GALNT18: variants seen among roughly 807,000 people sequenced by gnomAD.
GALNT18 encodes the protein GalNAc-transferase 18.
GALNT18 carries 44 observed loss-of-function variants against 69.5 expected under a neutral mutation model. That is an observed-to-expected ratio of 0.63 (90% CI 0.50 to 0.81). The LOEUF (loss-of-function observed/expected upper bound fraction) is 0.81, where lower values mean the gene tolerates loss of function less well. Among genes scored for constraint, GALNT18 ranks in the 40% least tolerant of loss-of-function variants. GALNT18 has a pLI of 0.00. For missense variants in GALNT18, 715 were observed against 810.0 expected (o/e 0.88, Z 1.42); for synonymous variants, 364 against 318.2 (o/e 1.14, Z -1.53).
At position 11,582,528 on chromosome 11, in the gene GALNT18, C is replaced by T. The variant is rs996193185; in HGVS notation, c.235+38831G>A. Among the ~76,000 whole-genome samples the T allele has an allele frequency of 6.6e-6, 1 of 152,238 alleles. No individual in the cohort carries two copies. The highest frequency in any genetic ancestry group is 1.5e-5 in the Non-Finnish European group (1 of 68,042). On this transcript the variant is annotated intron_variant, in intron 1 of 10. Coordinates refer to ENST00000227756, the MANE Select transcript of GALNT18 (RefSeq NM_198516.3). This position sits in a 1 kb window ranked among gnomAD's most constrained non-coding sequence, Gnocchi z 5.0. ...CAATTTGAGAAGAAGCTTTAAGAGCCATTATGACTTACAGCTATTGTTCTC... is the reference window on the plus strand; with the variant it reads ...CAATTTGAGAAGAAGCTTTAAGAGCTATTATGACTTACAGCTATTGTTCTC...
intron 10 of GALNT18, among the ~76,000 whole-genome samples, chr11:11,275,255 TATCTCATTGCGGTTTTG>T: frequency 6.6e-6 from 1 of 152,246 alleles, no homozygotes; most frequent in East Asian, 1.9e-4. Context: ...TGTGAGATGG[TATCTCATTGCGGTTTTG>T]ATTTGCATTT....
intron 1 of GALNT18, among the ~76,000 whole-genome samples, chr11:11,537,562 C>T (rs1857811416): frequency 6.6e-6 from 1 of 152,032 alleles, no homozygotes; most frequent in African/African-American, 2.4e-5. Flanking sequence ...GACTACAGGC[C>T]CTAGTGATTA....
chr11:11,334,577 T>A (rs536734486), intron 7 of GALNT18, among the ~76,000 whole-genome samples: 1 of 151,598 alleles, frequency 6.6e-6, no homozygotes, highest in Admixed American at 6.6e-5. Context: ...AATTTAGATA[T>A]AAAAGAGATA....
intron 10 of GALNT18, among the ~76,000 whole-genome samples, chr11:11,280,762 A>G (rs372175839): frequency 5.9e-5 from 9 of 152,218 alleles, no homozygotes; most frequent in South Asian, 2.1e-4. Context: ...GGCCCCTTCA[A>G]TATAGCCAAG....
In GALNT18 at chr11:11,619,187, T is replaced by G. The variant is rs1228088747; in HGVS notation, c.235+2172A>C. Among the ~76,000 whole-genome samples the G allele has an allele frequency of 6.6e-6, 1 of 152,154 alleles. No homozygotes were observed. The highest frequency in any genetic ancestry group is 2.4e-5 in the African/African-American group (1 of 41,422). ...TCCAAGTCACTGACCCTTCCCTACCTTCCTATAGGTGGCAGCTTTGGCCCT... is the reference window on the plus strand; with the variant it reads ...TCCAAGTCACTGACCCTTCCCTACCGTCCTATAGGTGGCAGCTTTGGCCCT... On this transcript the variant is annotated intron_variant, in intron 1 of 10. Coordinates refer to ENST00000227756, the MANE Select transcript of GALNT18 (RefSeq NM_198516.3). This position sits in a 1 kb window ranked among gnomAD's most constrained non-coding sequence, Gnocchi z 4.9.
At chr11:11,362,388 G>A (rs1850662760) in intron 6 of GALNT18, among the ~76,000 whole-genome samples, 1 of 151,928 alleles carries the variant, frequency 6.6e-6, no homozygotes, top group Non-Finnish European at 1.5e-5. Flanking sequence ...ACAAACACGA[G>A]AAGTAAAATC....
rs941030087 is a variant in GALNT18, at chr11:11,619,978, A to C, written c.235+1381T>G. Among the ~76,000 whole-genome samples, 4 of 152,140 alleles carry C rather than the reference A, an allele frequency of 2.6e-5. No homozygotes were observed. The South Asian group carries it at 6.2e-4, about 24-fold the overall frequency. ...TGGATGCCTCTCCTGCACTCACCTGAACCTCCCTGAACCTTCCCCTCCTGG... is the reference window on the plus strand; with the variant it reads ...TGGATGCCTCTCCTGCACTCACCTGCACCTCCCTGAACCTTCCCCTCCTGG... On this transcript the variant is annotated intron_variant, in intron 1 of 10. Coordinates refer to ENST00000227756, the MANE Select transcript of GALNT18 (RefSeq NM_198516.3). This position sits in a 1 kb window ranked among gnomAD's most constrained non-coding sequence, Gnocchi z 4.9.
At position 11,564,741 on chromosome 11, in the gene GALNT18, T is replaced by TCTTTTACTTTTA. The variant is rs1252175363; in HGVS notation, c.235+56617_235+56618insTAAAAGTAAAAG. 6.6e-6 allele frequency among the ~76,000 whole-genome samples: 1 copy of TCTTTTACTTTTA among 152,224 alleles called. No homozygotes were observed. The highest frequency in any genetic ancestry group is 1.5e-5 in the Non-Finnish European group (1 of 68,042). Reference sequence around the variant, plus strand: ...GCACATTTGCCTAGACTATCCCTGGTCAACCTTTACTCTAGGTTGTGCTGT... The same window carrying TCTTTTACTTTTA: ...GCACATTTGCCTAGACTATCCCTGGTCTTTTACTTTTACAACCTTTACTCTAGGTTGTGCTGT... On this transcript the variant is annotated intron_variant, in intron 1 of 10. Coordinates refer to ENST00000227756, the MANE Select transcript of GALNT18 (RefSeq NM_198516.3). The surrounding 1 kb of genome is among the most constrained non-coding windows in gnomAD (Gnocchi z 4.3).
chr11:11,599,621 T>C (rs1462751356), intron 1 of GALNT18, among the ~76,000 whole-genome samples: 1 of 152,032 alleles, frequency 6.6e-6, no homozygotes, highest in African/African-American at 2.4e-5. Flanking sequence ...TATAGTTGGG[T>C]TTATATCTGA....
In GALNT18 at chr11:11,620,666, CAG is replaced by C. The variant is rs1478115882; in HGVS notation, c.235+691_235+692del. Among the ~76,000 whole-genome samples, 1 of 152,144 alleles carries C rather than the reference CAG, an allele frequency of 6.6e-6. No individual in the cohort carries two copies. The highest frequency in any genetic ancestry group is 1.5e-5 in the Non-Finnish European group (1 of 68,024). On this transcript the variant is annotated intron_variant, in intron 1 of 10. Transcript: ENST00000227756. This position sits in a 1 kb window ranked among gnomAD's most constrained non-coding sequence, Gnocchi z 6.9. ...TGGGCGGAGTCATCACCACAGTGGACAGAGACTCCAGCGCTACTTCCCGGCGT... is the reference window on the plus strand; with the variant it reads ...TGGGCGGAGTCATCACCACAGTGGACAGACTCCAGCGCTACTTCCCGGCGT...
At chr11:11,364,004 T>C (rs1366286421) in intron 6 of GALNT18, among the ~76,000 whole-genome samples, 1 of 151,736 alleles carries the variant, frequency 6.6e-6, no homozygotes, top group Non-Finnish European at 1.5e-5. Context: ...TTAATTGAAA[T>C]ACATCAAATA....
At chr11:11,551,296 G>A (rs1348931179) in intron 1 of GALNT18, among the ~76,000 whole-genome samples, 1 of 151,828 alleles carries the variant, frequency 6.6e-6, no homozygotes, top group East Asian at 1.9e-4. Flanking sequence ...ATGCAACAGA[G>A]GTCTGTCATA....
At chr11:11,394,769 G>A (rs147100715) in intron 3 of GALNT18, among the ~76,000 whole-genome samples, 68 of 152,310 alleles carry the variant, frequency 4.5e-4, no homozygotes, top group Non-Finnish European at 7.1e-4. Flanking sequence ...ACCGACAGGC[G>A]GGGTCTGGTC....
chr11:11,540,344 T>C lies in GALNT18; in HGVS notation c.235+81015A>G, dbSNP rs548000665. 6.6e-6 allele frequency among the ~76,000 whole-genome samples: 1 copy of C among 152,102 alleles called. No homozygotes were observed. Among genetic ancestry groups the C allele is most frequent in the African/African-American group, 2.4e-5 (1 of 41,396 alleles). On this transcript the variant is annotated intron_variant, in intron 1 of 10. Coordinates refer to ENST00000227756, the MANE Select transcript of GALNT18 (RefSeq NM_198516.3). The surrounding 1 kb of genome is among the most constrained non-coding windows in gnomAD (Gnocchi z 4.6). Reference sequence around the variant, plus strand: ...GCCATGGAAACTTGTGACTCCTACATCCCTGATGCTAGGACAAGAGCATGC... The same window carrying C: ...GCCATGGAAACTTGTGACTCCTACACCCCTGATGCTAGGACAAGAGCATGC...
In GALNT18 at chr11:11,480,251, CCTCT is replaced by C. The variant is rs199944459; in HGVS notation, c.236-31319_236-31316del. Among the ~76,000 whole-genome samples the C allele has an allele frequency of 4.7e-5, 7 of 149,612 alleles. No individual in the cohort carries two copies. The highest frequency in any genetic ancestry group is 1.5e-4 in the African/African-American group (6 of 39,514). On this transcript the variant is annotated intron_variant, in intron 1 of 10. Coordinates refer to ENST00000227756, the MANE Select transcript of GALNT18 (RefSeq NM_198516.3). The surrounding 1 kb of genome is among the most constrained non-coding windows in gnomAD (Gnocchi z 4.6). ...TTATTTCTTTCTTTCTTCCTTCCTT[CCTCT>C]CTCTCTCTCTTTCTCTCTCTCTCGC...
At chr11:11,490,143 T>G (rs1166151041) in intron 1 of GALNT18, among the ~76,000 whole-genome samples, 1 of 151,958 alleles carries the variant, frequency 6.6e-6, no homozygotes, top group East Asian at 1.9e-4. Flanking sequence ...GCAGGTCCAT[T>G]ATCATGGGAG....
chr11:11,293,019 G>T lies in GALNT18; in HGVS notation c.1677+10C>A. The T allele has an allele frequency of 1.5e-6, 2 of 1,361,776 alleles. No homozygotes were observed. The highest frequency in any genetic ancestry group is 9.5e-7 in the Non-Finnish European group (1 of 1,047,470). 84.4% of individuals were successfully genotyped at this position (1,361,776 alleles called of 1,614,324 possible). On this transcript the variant is annotated intron_variant, in intron 10 of 10. Coordinates refer to ENST00000227756, the MANE Select transcript of GALNT18 (RefSeq NM_198516.3). ...TGGCTGCCACTGTGCCCGGGCTCTG[G>T]GGCTGTTACCTGAGAGAACTGCCAG...
Position 11,339,024 on chromosome 11 carries a change from C to T in GALNT18, c.1278+1795G>A, listed in dbSNP as rs931255830. Among the ~76,000 whole-genome samples the T allele has an allele frequency of 1.2e-4, 19 of 152,088 alleles. No individual in the cohort carries two copies. Among genetic ancestry groups the T allele is most frequent in the Admixed American group, 1.2e-3 (18 of 15,280 alleles). ...CCTATGTTGACCTTGACAAAGCAGT[C>T]TTGATGAAGTATCAGGATATAGCTT... is the stretch of plus-strand genomic sequence containing the variant. On this transcript the variant is annotated intron_variant, in intron 7 of 10. Coordinates refer to ENST00000227756, the MANE Select transcript of GALNT18 (RefSeq NM_198516.3). The surrounding 1 kb of genome is among the most constrained non-coding windows in gnomAD (Gnocchi z 5.2).
intron 9 of GALNT18, among the ~76,000 whole-genome samples, chr11:11,301,226 C>T (rs915007684): frequency 4.6e-5 from 7 of 152,084 alleles, no homozygotes; most frequent in South Asian, 2.1e-4. Context: ...ACACAGAGGG[C>T]GGGAAGAAGG....
Sources: gnomAD v4.1 joint callset for allele counts (sites outside exome capture counted in the v4.1 genomes callset) on GRCh38, gnomAD v4.1.1 for gene constraint, Gnocchi (gnomAD v3.1) non-coding constraint, MANE v1.5 for transcripts, NCBI Gene and HGNC (gene_info 2026-07-23, HGNC 2026-07-21) for gene names.